GCC2: variants seen among roughly 807,000 people sequenced by gnomAD.
GCC2 encodes the protein GRIP and coiled-coil domain-containing protein 2.
Under a neutral mutation model 210.6 loss-of-function variants are expected in GCC2, and 120 were observed. That is an observed-to-expected ratio of 0.57 (90% CI 0.49 to 0.66). The LOEUF (loss-of-function observed/expected upper bound fraction) is 0.66. Ranked by LOEUF, GCC2 falls within the 30% of genes least tolerant of loss-of-function variation. GCC2 has a pLI of 0.00. For synonymous variants in GCC2, 703 were observed against 652.7 expected, an observed-to-expected ratio of 1.08 and a Z score of -1.17; for missense variants, 1,868 against 1,871.9, an observed-to-expected ratio of 1.00 and a Z score of 0.04.
intron 22 of GCC2, among the ~76,000 whole-genome samples, chr2:108,505,310 GC>G (rs568880142): frequency 1.5e-3 from 224 of 152,290 alleles, no homozygotes; most frequent in Non-Finnish European, 2.6e-3. Flanking sequence ...CATAACCAGT[GC>G]CAAGTTGTCC....
rs34052393 is a variant in GCC2 at position 108,459,745 on chromosome 2, C to CTTTT, written c.216+7309_216+7312dup. 1.3e-3 allele frequency among the ~76,000 whole-genome samples: 36 copies of CTTTT among 26,754 alleles called. 1 individual carries two copies. The highest frequency in any genetic ancestry group is 3.2e-3 in the African/African-American group (25 of 7,716). The allele number at this position is 26,754 out of a possible 152,430, so 17.6% of individuals were successfully genotyped here. A position where few individuals can be genotyped will look rare whatever the true frequency, so the allele number is the denominator to read the frequency against. The stretch of plus-strand genomic sequence containing the variant: ...GCCATTAGATAATGACCTTCTTTGT[C>CTTTT]TTTTTTTTTTTTTTTTTTTTTTTTT... On this transcript the variant is annotated intron_variant, in intron 4 of 22. Coordinates refer to ENST00000309863, the MANE Select transcript of GCC2 (RefSeq NM_181453.4).
chr2:108,465,389 G>GT (rs1265534858), intron 4 of GCC2, among the ~76,000 whole-genome samples: 12 of 152,260 alleles, frequency 7.9e-5, no homozygotes, highest in Non-Finnish European at 4.4e-5. Flanking sequence ...GGTACAAGAG[G>GT]TTTTTTGTTA....
intron 4 of GCC2, among the ~76,000 whole-genome samples, chr2:108,455,370 C>G (rs1680200679): frequency 6.6e-6 from 1 of 151,972 alleles, no homozygotes; most frequent in Non-Finnish European, 1.5e-5. Flanking sequence ...ACCGAGGAGG[C>G]AGAGGTTGCA....
Position 108,481,051 on chromosome 2 carries a change from C to T in GCC2, c.3061-646C>T, listed in dbSNP as rs1573206277. ...AAACATAAAGAACTACATGCAGTCT[C>T]GAAACTGAATCTCATTTACATATTT... On this transcript the variant is annotated intron_variant, in intron 9 of 22. Coordinates refer to ENST00000309863, the MANE Select transcript of GCC2 (RefSeq NM_181453.4). Among the ~76,000 whole-genome samples the T allele has an allele frequency of 2.0e-5, 3 of 152,238 alleles. 1 individual carries two copies. In the Middle Eastern group the frequency reaches 0.01, roughly 518 times the overall value.
intron 4 of GCC2, among the ~76,000 whole-genome samples, chr2:108,464,719 G>A (rs551902766): frequency 6.6e-6 from 1 of 152,242 alleles, no homozygotes; most frequent in Non-Finnish European, 1.5e-5. Flanking sequence ...AATACCAGAG[G>A]TCTATGGGAA....
rs1051035991 is a variant in GCC2, at chr2:108,452,576, T to C, written c.216+110T>C. 11 of 716,762 alleles carry C rather than the reference T, an allele frequency of 1.5e-5. No individual in the cohort carries two copies. In the African/African-American group the frequency reaches 1.8e-4, roughly 12 times the overall value. 44.4% of individuals were successfully genotyped at this position (716,762 alleles called of 1,614,324 possible). On this transcript the variant is annotated intron_variant, in intron 4 of 22. Coordinates refer to ENST00000309863, the MANE Select transcript of GCC2 (RefSeq NM_181453.4). Reference sequence around the variant, plus strand: ...TTTCTGTTCTACTTCCTCTCTGCCTTGGTTGTTTTTACCTATCTGATTCAC... The same window carrying C: ...TTTCTGTTCTACTTCCTCTCTGCCTCGGTTGTTTTTACCTATCTGATTCAC...
Position 108,489,823 on chromosome 2 carries a change from G to T in GCC2, c.4053-15G>T. 6.4e-7 allele frequency: 1 copy of T among 1,570,998 alleles called. No individual in the cohort carries two copies. ...CTTTTTCAAAAAATTTTAAAACTGT[G>T]TATTTCTGTTTTAGGGAACATCTGG... On this transcript the variant is annotated splice_polypyrimidine_tract_variant and intron_variant, in intron 17 of 22. Transcript: ENST00000309863.
intron 12 of GCC2, among the ~76,000 whole-genome samples, chr2:108,483,543 T>C (rs1011906093): frequency 6.6e-6 from 1 of 152,146 alleles, no homozygotes; most frequent in Non-Finnish European, 1.5e-5. Context: ...TAAACTATTC[T>C]ATACATGTTG....
intron 4 of GCC2, among the ~76,000 whole-genome samples, chr2:108,458,374 C>CTTTTTTTTTTTTTTTTT (rs70956257): frequency 6.0e-5 from 6 of 100,306 alleles, no homozygotes; most frequent in African/African-American, 1.2e-4. Context: ...TTGTTGCTTT[C>CTTTTTTTTTTTTTTTTT]TTTTTTTTTT....
At chr2:108,485,322 TAAAAAA>T (rs79842498) in intron 13 of GCC2, among the ~76,000 whole-genome samples, 7 of 136,786 alleles carry the variant, frequency 5.1e-5, no homozygotes, top group Non-Finnish European at 6.4e-5. Context: ...AAAGTATAAT[TAAAAAA>T]AAAAAAGAAA....
intron 4 of GCC2, among the ~76,000 whole-genome samples, chr2:108,464,136 G>A (rs1404242819): frequency 6.6e-6 from 1 of 152,156 alleles, no homozygotes; most frequent in Non-Finnish European, 1.5e-5. Context: ...ATGTTCAGGT[G>A]GAGACAGCAG....
rs530751059 is a variant in GCC2 at position 108,505,990 on chromosome 2, G to A, written c.4985-1570G>A. On this transcript the variant is annotated intron_variant, in intron 22 of 22. Coordinates refer to ENST00000309863, the MANE Select transcript of GCC2 (RefSeq NM_181453.4). ...TATATACGTATGAAAACACAGAAAGGTGTCTGGAAGGATAATACCAAATTA... is the reference window on the plus strand; with the variant it reads ...TATATACGTATGAAAACACAGAAAGATGTCTGGAAGGATAATACCAAATTA... Among the ~76,000 whole-genome samples the A allele has an allele frequency of 3.3e-5, 5 of 152,234 alleles. No homozygotes were observed. The South Asian group carries it at 1.0e-3, about 32-fold the overall frequency.
At chr2:108,494,621 T>C (rs1682555753) in intron 19 of GCC2, 1 of 152,130 alleles carries the variant, frequency 6.6e-6, no homozygotes, top group East Asian at 1.9e-4. Context: ...TCCTGAAAAA[T>C]TGCTAGAATC....
intron 4 of GCC2, among the ~76,000 whole-genome samples, chr2:108,465,657 T>C (rs1680843970): frequency 6.6e-6 from 1 of 152,220 alleles, no homozygotes; most frequent in African/African-American, 2.4e-5. Flanking sequence ...CCAAGTTGCC[T>C]AAAAACACAT....
chr2:108,480,095 AG>A (rs1487446042), intron 9 of GCC2, among the ~76,000 whole-genome samples: 3 of 151,902 alleles, frequency 2.0e-5, no homozygotes, highest in Non-Finnish European at 4.4e-5. Flanking sequence ...CAGGCTTCAC[AG>A]TCCTCTTGGT....
intron 22 of GCC2, among the ~76,000 whole-genome samples, chr2:108,500,159 T>C (rs1573237754): frequency 3.5e-5 from 1 of 28,850 alleles, no homozygotes; most frequent in East Asian, 0.042. Context: ...AATGCAGTCA[T>C]ATATAGCCCA....
At chr2:108,489,333 T>C (rs2104492091) in intron 17 of GCC2, among the ~76,000 whole-genome samples, 1 of 152,272 alleles carries the variant, frequency 6.6e-6, no homozygotes, top group South Asian at 2.1e-4. Flanking sequence ...CTGACCAACA[T>C]GGTGAAACAC....
rs777312038 is a variant in GCC2 at position 108,490,055 on chromosome 2, T to C, written c.4229+41T>C. ...GCACTAACGCTGTACCAGACAGCAA[T>C]GTATTTCTTTGTTGAAACTTCTAAT... is the stretch of plus-strand genomic sequence containing the variant. On this transcript the variant is annotated intron_variant, in intron 18 of 22. Transcript: ENST00000309863. The C allele has an allele frequency of 3.7e-6, 5 of 1,360,172 alleles. No individual in the cohort carries two copies. In the South Asian group the frequency reaches 6.3e-5, roughly 17 times the overall value. 84.3% of individuals were successfully genotyped at this position (1,360,172 alleles called of 1,614,324 possible).
chr2:108,503,855 G>A (rs1292512742), intron 22 of GCC2, among the ~76,000 whole-genome samples: 1 of 152,180 alleles, frequency 6.6e-6, no homozygotes, highest in African/African-American at 2.4e-5. Flanking sequence ...ACACCTGTAA[G>A]CCCAACAGTT....
Sources: gnomAD v4.1 joint callset for allele counts (sites outside exome capture counted in the v4.1 genomes callset) on GRCh38, gnomAD v4.1.1 for gene constraint, MANE v1.5 for transcripts, NCBI Gene and HGNC (gene_info 2026-07-23, HGNC 2026-07-21) for gene names.